The following PAK3 variants were observed in gnomAD, a reference collection of about 807,000 sequenced individuals.
PAK3 encodes the protein p21 (RAC1) activated kinase 3, also known as serine/threonine-protein kinase PAK 3.
PAK3 carries 4 observed loss-of-function variants against 41.0 expected under a neutral mutation model. That is an observed-to-expected ratio of 0.10 (90% CI 0.05 to 0.22). PAK3 has a LOEUF of 0.22. Among genes scored for constraint, PAK3 ranks in the 10% least tolerant of loss-of-function variants. The pLI is 1.00. For synonymous variants in PAK3, 146 were observed against 139.6 expected (o/e 1.05, Z -0.32); for missense variants, 205 against 409.9 (o/e 0.50, Z 4.32).
At chrX:111,138,208 A>G (rs903918135) in intron 5 of PAK3, among the ~76,000 whole-genome samples, 1 of 110,925 alleles carries the variant, frequency 9.0e-6, no homozygotes, top group African/African-American at 3.3e-5. Flanking sequence ...CCACTTATCT[A>G]TAAAACAAGA....
chrX:111,051,300 A>T lies in PAK3; in HGVS notation c.-27-71777A>T, dbSNP rs761931360. Among the ~76,000 whole-genome samples, 5 of 111,834 alleles carry T rather than the reference A, an allele frequency of 4.5e-5. No individual in the cohort carries two copies. In the South Asian group the frequency reaches 1.9e-3, roughly 43 times the overall value. On this transcript the variant is annotated intron_variant, in intron 1 of 14. Coordinates refer to the PAK3 transcript ENST00000425146. ...TACAATAAATATTTGTTGAATATGA[A>T]TATGAATTTTTTTCTGAATAGAAAT...
Position 111,113,729 on chromosome X carries a change from A to G in PAK3, c.-27-9348A>G, listed in dbSNP as rs186366388. ...GGTGTGCTGCACCCATTAACTCGTC[A>G]TTTACATTAGGTATATCTCCTAATG... On this transcript the variant is annotated intron_variant, in intron 4 of 17. Coordinates refer to ENST00000372007, the MANE Select transcript of PAK3 (RefSeq NM_002578.5). Among the ~76,000 whole-genome samples the G allele has an allele frequency of 4.7e-3, 522 of 110,465 alleles. 10 individuals are homozygous for G. The highest frequency in any genetic ancestry group is 0.043 in the Admixed American group (446 of 10,359).
chrX:111,095,244 T>C (rs144021539), upstream of PAK3, among the ~76,000 whole-genome samples: 251 of 112,223 alleles, frequency 2.2e-3, 1 homozygote, highest in African/African-American at 7.6e-3. Context: ...ATACTACTAG[T>C]TTAACCCAAC....
At chrX:111,099,395 C>T (rs963186898) in intron 3 of PAK3, among the ~76,000 whole-genome samples, 3 of 111,134 alleles carry the variant, frequency 2.7e-5, no homozygotes, top group Non-Finnish European at 5.7e-5. Context: ...AGGAGCAAAA[C>T]GGTGCAGCTA....
rs143274017 is a variant in PAK3 at position 111,126,571 on chromosome X, G to A, written c.175+3293G>A. ...TCTGCCACTGATTATTGTGACATTG[G>A]GCCAGTCACTTGATTTCTCTGAGCC... On this transcript the variant is annotated intron_variant, in intron 5 of 17. Transcript: ENST00000372007. Among the ~76,000 whole-genome samples the A allele has an allele frequency of 4.5e-3, 503 of 110,978 alleles. 3 individuals are homozygous for A. The highest frequency in any genetic ancestry group is 7.8e-3 in the Non-Finnish European group (413 of 52,865).
At chrX:111,111,876 T>G (rs2093377951) in intron 4 of PAK3, among the ~76,000 whole-genome samples, 1 of 111,587 alleles carries the variant, frequency 9.0e-6, no homozygotes, top group Non-Finnish European at 1.9e-5. Flanking sequence ...AAGGCTGGCA[T>G]CTCTACCATC....
intron 1 of PAK3, among the ~76,000 whole-genome samples, chrX:110,971,737 A>G (rs923645924): frequency 8.0e-5 from 9 of 112,184 alleles, no homozygotes; most frequent in Middle Eastern, 9.2e-3. Context: ...AGTCAGATAC[A>G]AAAACTACTG....
In PAK3 at chrX:111,220,956, AAAAAAACAAAC is replaced by A. The variant is rs2094924415; in HGVS notation, c.*515_*525del. 1 of 111,449 alleles carries A rather than the reference AAAAAAACAAAC, an allele frequency of 9.0e-6. No homozygotes were observed. The highest frequency in any genetic ancestry group is 3.3e-5 in the African/African-American group (1 of 30,009). The allele number at this position is 111,449 out of a possible 1,213,427, so 9.2% of individuals were successfully genotyped here. On this transcript the variant is annotated 3_prime_UTR_variant, in exon 18 of 18. Transcript: ENST00000372007. ...CAAAAAAAGCAAGGCAAAAAAAAAA[AAAAAAACAAAC>A]AAAAACAAAAACAAAACAAAAACAA...
At chrX:111,112,553 C>T (rs1435177027) in intron 4 of PAK3, among the ~76,000 whole-genome samples, 3 of 110,240 alleles carry the variant, frequency 2.7e-5, no homozygotes, top group Middle Eastern at 4.3e-3. Context: ...TCCTCTGAAC[C>T]CTCCAGGCAC....
At chrX:110,979,745 A>G (rs1264519961) in intron 1 of PAK3, among the ~76,000 whole-genome samples, 2 of 112,157 alleles carry the variant, frequency 1.8e-5, no homozygotes, top group African/African-American at 3.2e-5. Flanking sequence ...TTTCTAATAT[A>G]TGCATTGAGT....
intron 1 of PAK3, among the ~76,000 whole-genome samples, chrX:111,061,665 C>T (rs2092656763): frequency 8.9e-6 from 1 of 111,921 alleles, no homozygotes; most frequent in Non-Finnish European, 1.9e-5. Flanking sequence ...TCCGTAAAAA[C>T]TTTAACCATT....
intron 1 of PAK3, among the ~76,000 whole-genome samples, chrX:110,984,990 G>A (rs914328921): frequency 9.0e-6 from 1 of 111,204 alleles, no homozygotes; most frequent in African/African-American, 3.3e-5. Flanking sequence ...TTAGCCAGGC[G>A]TGTTGGTGCA....
chrX:110,944,454 C>G (rs1200465260), exon 1 of PAK3: 1 of 112,845 alleles, frequency 8.9e-6, no homozygotes, highest in Non-Finnish European at 1.9e-5. Context: ...TCCTCCTCCT[C>G]CTACCACGGC....
At chrX:111,167,513 A>G (rs2094273686) in intron 10 of PAK3, among the ~76,000 whole-genome samples, 1 of 111,286 alleles carries the variant, frequency 9.0e-6, no homozygotes, top group Non-Finnish European at 1.9e-5. Context: ...GCAAGAGGTC[A>G]TTATTGGGTG....
chrX:111,197,504 T>A (rs2094629031), intron 16 of PAK3, among the ~76,000 whole-genome samples: 1 of 112,113 alleles, frequency 8.9e-6, no homozygotes, highest in Admixed American at 9.4e-5. Context: ...GTAATGGGAT[T>A]GCTGAGTTAA....
intron 1 of PAK3, among the ~76,000 whole-genome samples, chrX:111,065,441 G>A (rs1377322059): frequency 9.0e-6 from 1 of 110,974 alleles, no homozygotes; most frequent in Non-Finnish European, 1.9e-5. Context: ...TTGATGTGCT[G>A]CTGGATTCGG....
At chrX:110,968,761 A>T (rs1179734795) in intron 1 of PAK3, among the ~76,000 whole-genome samples, 1 of 110,946 alleles carries the variant, frequency 9.0e-6, no homozygotes, top group African/African-American at 3.3e-5. Context: ...AAATATATAT[A>T]TTTTTTCAGT....
At chrX:111,091,593 C>T (rs901925087), upstream of PAK3, among the ~76,000 whole-genome samples, 3 of 112,068 alleles carry the variant, frequency 2.7e-5, no homozygotes, top group Non-Finnish European at 5.6e-5. Context: ...CTCTTTCCCT[C>T]ACCTCTGATT....
intron 1 of PAK3, among the ~76,000 whole-genome samples, chrX:110,979,661 T>A (rs1030197847): frequency 3.6e-5 from 4 of 112,040 alleles, no homozygotes; most frequent in Non-Finnish European, 5.6e-5. Context: ...TCTACTTACT[T>A]TGAGTTTATG....
Sources: gnomAD v4.1 joint callset for allele counts (sites outside exome capture counted in the v4.1 genomes callset) on GRCh38, gnomAD v4.1.1 for gene constraint, MANE v1.5 for transcripts, NCBI Gene and HGNC (gene_info 2026-07-23, HGNC 2026-07-21) for gene names.